The following HDAC9 variants were observed in gnomAD, a reference collection of about 807,000 sequenced individuals.
The protein encoded by HDAC9 is histone deacetylase 9, also known as MEF-2 interacting transcription repressor (MITR) protein.
Under a neutral mutation model 139.4 loss-of-function variants are expected in HDAC9, and 41 were observed. The ratio of observed to expected loss-of-function variants is 0.29; its 90% CI spans 0.23 to 0.38. HDAC9 has a LOEUF of 0.38. Ranked by LOEUF, HDAC9 falls within the 10% of genes least tolerant of loss-of-function variation. HDAC9 has a pLI of 1.00. For missense variants in HDAC9, 1,147 were observed against 1,297.0 expected (o/e 0.88, Z 1.78); for synonymous variants, 517 against 476.2 (o/e 1.09, Z -1.12).
intron 17 of HDAC9, among the ~76,000 whole-genome samples, chr7:18,803,767 A>G (rs1793489326): frequency 6.6e-6 from 1 of 152,108 alleles, no homozygotes; most frequent in African/African-American, 2.4e-5. Flanking sequence ...GATTTTACTC[A>G]GTCAAGTTGT....
chr7:18,636,304 TG>T (rs1783875082), intron 8 of HDAC9, among the ~76,000 whole-genome samples: 1 of 152,096 alleles, frequency 6.6e-6, no homozygotes, highest in African/African-American at 2.4e-5. Flanking sequence ...CCCCCTGCCC[TG>T]GGCTGTCTGA....
At chr7:18,502,817 T>C (rs1433779397) in intron 2 of HDAC9, among the ~76,000 whole-genome samples, 2 of 152,206 alleles carry the variant, frequency 1.3e-5, no homozygotes, top group Non-Finnish European at 2.9e-5. Context: ...AGAGTCAACA[T>C]TGTGGCCTCA....
At chr7:18,769,004 G>A (rs1437209402) in intron 16 of HDAC9, among the ~76,000 whole-genome samples, 1 of 152,156 alleles carries the variant, frequency 6.6e-6, no homozygotes, top group Non-Finnish European at 1.5e-5. Context: ...AGGTAGGCTA[G>A]GCTAAGCCAT....
chr7:18,420,990 C>A (rs1789567211), intron 1 of HDAC9, among the ~76,000 whole-genome samples: 1 of 152,134 alleles, frequency 6.6e-6, no homozygotes, highest in Non-Finnish European at 1.5e-5. Context: ...ATAATGAGGG[C>A]ATGCCTAGAC....
chr7:18,687,086 C>G (rs1782328596), intron 12 of HDAC9, among the ~76,000 whole-genome samples: 1 of 151,760 alleles, frequency 6.6e-6, no homozygotes, highest in Non-Finnish European at 1.5e-5. Context: ...TCTGAATTTT[C>G]CAAGTACCAT....
intron 12 of HDAC9, among the ~76,000 whole-genome samples, chr7:18,692,066 G>A (rs1782711859): frequency 6.6e-6 from 1 of 152,064 alleles, no homozygotes. Context: ...TGGTGAATGA[G>A]TCTCAGAAAA....
At chr7:18,900,662 C>G (rs905397505) in intron 22 of HDAC9, among the ~76,000 whole-genome samples, 1 of 152,164 alleles carries the variant, frequency 6.6e-6, no homozygotes, top group Non-Finnish European at 1.5e-5. Context: ...TAGCCAATAT[C>G]TTCTAATTCC....
chr7:18,432,060 C>T (rs1169320777), intron 1 of HDAC9, among the ~76,000 whole-genome samples: 1 of 152,148 alleles, frequency 6.6e-6, no homozygotes, highest in African/African-American at 2.4e-5. Context: ...GTGCCTTAGC[C>T]CAGCTGTTTA....
intron 2 of HDAC9, among the ~76,000 whole-genome samples, chr7:18,534,511 C>T (rs1810194906): frequency 6.6e-6 from 1 of 152,120 alleles, no homozygotes; most frequent in African/African-American, 2.4e-5. Context: ...TGTGCCACTG[C>T]ACTTCAGCTT....
chr7:18,586,931 G>A (rs895186704), intron 3 of HDAC9, among the ~76,000 whole-genome samples: 1 of 151,996 alleles, frequency 6.6e-6, no homozygotes, highest in African/African-American at 2.4e-5. Context: ...AACAATAATA[G>A]AAACATTGAT....
chr7:18,295,877 A>C (rs1227621889), intron 1 of HDAC9, among the ~76,000 whole-genome samples: 1 of 152,166 alleles, frequency 6.6e-6, no homozygotes, highest in Non-Finnish European at 1.5e-5. Context: ...CCTATAATGC[A>C]CCAGACAACC....
chr7:18,438,386 G>A (rs1645043677), intron 1 of HDAC9, among the ~76,000 whole-genome samples: 3 of 152,104 alleles, frequency 2.0e-5, no homozygotes, highest in Admixed American at 2.0e-4. Context: ...AGAAAAGTTT[G>A]AGGGACCATG....
intron 17 of HDAC9, among the ~76,000 whole-genome samples, chr7:18,809,259 C>A (rs908632922): frequency 6.6e-6 from 1 of 151,854 alleles, no homozygotes; most frequent in African/African-American, 2.4e-5. Flanking sequence ...TTAGGGAAAC[C>A]CTCCTTAACA....
chr7:18,590,733 T>G (rs1830707957), intron 4 of HDAC9, among the ~76,000 whole-genome samples: 1 of 152,198 alleles, frequency 6.6e-6, no homozygotes, highest in African/African-American at 2.4e-5. Context: ...TCTGTTGTTT[T>G]GAACCTTAAA....
intron 12 of HDAC9, among the ~76,000 whole-genome samples, chr7:18,675,561 C>T: frequency 6.6e-6 from 1 of 152,034 alleles, no homozygotes; most frequent in East Asian, 1.9e-4. Flanking sequence ...TAACTTTGTT[C>T]TCCTTGGTAG....
intron 2 of HDAC9, among the ~76,000 whole-genome samples, chr7:18,535,514 T>A (rs977842151): frequency 6.6e-6 from 1 of 151,778 alleles, no homozygotes; most frequent in Non-Finnish European, 1.5e-5. Context: ...TGATGGACAT[T>A]TGTGATCTCT....
At chr7:18,806,869 T>G (rs1793753670) in intron 17 of HDAC9, among the ~76,000 whole-genome samples, 1 of 152,188 alleles carries the variant, frequency 6.6e-6, no homozygotes, top group Non-Finnish European at 1.5e-5. Context: ...TTTGCTAGTA[T>G]TTTGATTTTT....
rs1468458320 is a variant in HDAC9 at position 18,859,850 on chromosome 7, A to G, written c.2685-14628A>G. Among the ~76,000 whole-genome samples, 843 of 123,358 alleles carry G rather than the reference A, an allele frequency of 6.8e-3. 8 individuals carry two copies. Among genetic ancestry groups the G allele is most frequent in the Middle Eastern group, 9.2e-3 (2 of 218 alleles). The allele number at this position is 123,358 out of a possible 152,430, so 80.9% of individuals were successfully genotyped here. A position where few individuals can be genotyped will look rare whatever the true frequency, so the allele number is the denominator to read the frequency against. On this transcript the variant is annotated intron_variant, in intron 21 of 25. Transcript: ENST00000686413. ...TATATATATATATATATATATATAT[A>G]TATATATATGTGAGAGAATGAGAGA...
intron 1 of HDAC9, among the ~76,000 whole-genome samples, chr7:18,153,893 G>A (rs1296016962): frequency 6.6e-6 from 1 of 152,090 alleles, no homozygotes; most frequent in Admixed American, 6.6e-5. Flanking sequence ...TTCACCTGAG[G>A]GGCACATCTG....
Sources: allele counts gnomAD v4.1 joint callset (sites outside exome capture counted in the v4.1 genomes callset), GRCh38; gene constraint gnomAD v4.1.1; transcripts MANE v1.5; gene names NCBI Gene and HGNC (gene_info 2026-07-23, HGNC 2026-07-21).